Variants in SLC5A9 observed in about 807,000 individuals in gnomAD.
SLC5A9 encodes sodium/glucose cotransporter 4.
Under a neutral mutation model 70.9 loss-of-function variants are expected in SLC5A9, and 59 were observed. The observed-to-expected ratio is 0.83, with a 90% CI of 0.68 to 1.03. The LOEUF (loss-of-function observed/expected upper bound fraction) is 1.03, where lower values mean the gene tolerates loss of function less well. Ranked by LOEUF, SLC5A9 falls within the 50% of genes least tolerant of loss-of-function variation. The pLI, the probability that SLC5A9 is intolerant of heterozygous loss-of-function variation, is 0.00. For missense variants in SLC5A9, 832 were observed against 881.1 expected (o/e 0.94, Z 0.71); for synonymous variants, 340 against 346.5 (o/e 0.98, Z 0.21).
intron 13 of SLC5A9, among the ~76,000 whole-genome samples, chr1:48,243,453 T>G (rs971864246): frequency 3.3e-5 from 5 of 152,204 alleles, no homozygotes; most frequent in African/African-American, 1.2e-4. Context: ...TATCTAAAGT[T>G]GAAAATTATT....
chr1:48,247,240 C>G (rs537594891), intron 13 of SLC5A9, 95 bp from the exon 14 acceptor site: 1 of 1,153,262 alleles, frequency 8.7e-7, no homozygotes, highest in Non-Finnish European at 1.3e-6. Flanking sequence ...CTCACCATCT[C>G]TCTCCCTCCC....
intron 13 of SLC5A9, 30 bp downstream of exon 13, chr1:48,242,646 T>G: frequency 6.3e-7 from 1 of 1,581,486 alleles, no homozygotes; most frequent in Non-Finnish European, 8.6e-7. Flanking sequence ...GGGATACTCA[T>G]CACAGAGGAA....
chr1:48,227,208 G>C (rs945611793), intron 2 of SLC5A9, among the ~76,000 whole-genome samples: 21 of 150,180 alleles, frequency 1.4e-4, no homozygotes, highest in Admixed American at 3.3e-4. Flanking sequence ...GTGTGTGAGT[G>C]CATGTGTGTG....
chr1:48,224,458 C>A (rs562582352), intron 1 of SLC5A9, among the ~76,000 whole-genome samples: 4 of 152,326 alleles, frequency 2.6e-5, no homozygotes, highest in East Asian at 3.9e-4. Context: ...CAATCAATGG[C>A]TTCACACACG....
chr1:48,231,774 G>A (rs1224542947), intron 6 of SLC5A9, 149 bp downstream of exon 6: 12 of 1,506,038 alleles, frequency 8.0e-6, no homozygotes, highest in Middle Eastern at 3.5e-4. Flanking sequence ...CCAAAGAGCA[G>A]GGTTCTCGCT....
intron 12 of SLC5A9, chr1:48,241,978 C>A: frequency 2.2e-6 from 1 of 456,406 alleles, no homozygotes; most frequent in Middle Eastern, 3.2e-4. Context: ...TTTACAACAT[C>A]CTCCAGGCTG....
intron 9 of SLC5A9, among the ~76,000 whole-genome samples, chr1:48,234,299 AAGGAAG>A (rs542148253): frequency 4.7e-4 from 72 of 152,292 alleles, no homozygotes; most frequent in African/African-American, 1.6e-3. Flanking sequence ...AGCCAGGAGG[AAGGAAG>A]ACAACCTTCC....
intron 12 of SLC5A9, 85 bp from the exon 13 acceptor site, chr1:48,242,372 A>C: frequency 6.8e-7 from 1 of 1,471,442 alleles, no homozygotes; most frequent in Non-Finnish European, 9.1e-7. Context: ...TTTTGCTCAG[A>C]TGGCCTTCCA....
chr1:48,224,737 C>A lies in SLC5A9; in HGVS notation c.176C>A (p.Ala59Glu), dbSNP rs1569805632. The change falls in exon 2 of 14, where the codon GCA becomes GAA. Residue 59 changes from alanine to glutamate, a missense_variant. Transcript: ENST00000438567. ...TTTCCTTTCCAGTCGTCCATCCGTG[C>A]AAGTCGAGGGACCATTGGCGGCTAT... The part of the protein sequence containing the change: ...IAVGIWSSIR[A>E]SRGTIGGYFL... 6.2e-7 allele frequency: 1 copy of A among 1,614,112 alleles called. No individual in the cohort carries two copies. The highest frequency in any genetic ancestry group is 1.1e-5 in the South Asian group (1 of 91,078).
At chr1:48,242,185 A>C (rs1644398508) in intron 12 of SLC5A9, 2 of 500,870 alleles carry the variant, frequency 4.0e-6, no homozygotes, top group Non-Finnish European at 7.4e-6. Context: ...AGTCTGTAAA[A>C]TCCATGAGGA....
At chr1:48,225,050 T>C (rs1644125307) in intron 2 of SLC5A9, among the ~76,000 whole-genome samples, 1 of 150,924 alleles carries the variant, frequency 6.6e-6, no homozygotes, top group South Asian at 2.1e-4. Context: ...TGACTTGCAG[T>C]GATGAATCTG....
chr1:48,235,554 A>T (rs1398444626), intron 9 of SLC5A9, among the ~76,000 whole-genome samples, 175 bp from the exon 10 acceptor site: 1 of 152,118 alleles, frequency 6.6e-6, no homozygotes, highest in African/African-American at 2.4e-5. Flanking sequence ...CCCAGCCTCT[A>T]GTTCTGTGGT....
rs766150882 is a variant in SLC5A9, at chr1:48,224,710, T to G, written c.163-14T>G. The G allele has an allele frequency of 6.2e-7, 1 of 1,613,852 alleles. No homozygotes were observed. Among genetic ancestry groups the G allele is most frequent in the Non-Finnish European group, 8.5e-7 (1 of 1,179,766 alleles). On this transcript the variant is annotated splice_polypyrimidine_tract_variant and intron_variant, in intron 1 of 13. Transcript: ENST00000438567. ...AGTCTTGAGAAATCCTCATCTCATC[T>G]ATTTCCTTTCCAGTCGTCCATCCGT... is the stretch of plus-strand genomic sequence containing the variant.
Position 48,239,450 on chromosome 1 carries a change from C to A in SLC5A9, c.1590C>A (p.Tyr530Ter). Residue 530 changes from tyrosine (Y) to a stop codon, truncating the protein, a stop_gained, in exon 12 of 14, where the codon TAC becomes TAA. Transcript: ENST00000438567. LOFTEE classifies it high-confidence loss of function. The surrounding 1 kb of genome is among the most constrained non-coding windows in gnomAD (Gnocchi z 4.2). The part of the protein sequence containing the change: ...RRPAVLKDFH[Y>*]LYFAILLCGL... Reference sequence around the variant, plus strand: ...CAGCAGTGCTGAAGGACTTCCACTACCTGTACTTTGCAATCCTCCTCTGCG... The same window carrying A: ...CAGCAGTGCTGAAGGACTTCCACTAACTGTACTTTGCAATCCTCCTCTGCG... 6.2e-7 allele frequency: 1 copy of A among 1,614,202 alleles called. No homozygotes were observed. The highest frequency in any genetic ancestry group is 8.5e-7 in the Non-Finnish European group (1 of 1,180,042).
In SLC5A9 at chr1:48,242,561, C is replaced by T. The variant is rs778297474; in HGVS notation, c.1782C>T (p.Cys594=). The change falls in exon 13 of 14, where the codon TGC becomes TGT. Residue 594 remains cysteine, a synonymous_variant. Coordinates refer to ENST00000438567, the MANE Select transcript of SLC5A9 (RefSeq NM_001011547.3). ...TATCCGAGAGGCCAGCCGGGGAGTG[C>T]CCTGCAGGAGGTGGAGCGGCAGAGA... is the stretch of plus-strand genomic sequence containing the variant. ...PEISERPAGE[C]PAGGGAAENS... The T allele has an allele frequency of 3.7e-6, 6 of 1,613,358 alleles. No homozygotes were observed. Among genetic ancestry groups the T allele is most frequent in the Non-Finnish European group, 4.2e-6 (5 of 1,179,640 alleles).
At position 48,247,615 on chromosome 1, in the gene SLC5A9, C is replaced by A. The variant is rs1355213492; in HGVS notation, c.*72C>A. On this transcript the variant is annotated 3_prime_UTR_variant, in exon 14 of 14. Coordinates refer to ENST00000438567, the MANE Select transcript of SLC5A9 (RefSeq NM_001011547.3). ...CCTGTCAGCCACAGAAACAGGCTCT[C>A]CTCTTACTTTGCTGTCTAAACTGGA... The A allele has an allele frequency of 2.7e-6, 4 of 1,472,914 alleles. No individual in the cohort carries two copies. The African/African-American group carries it at 5.5e-5, about 20-fold the overall frequency. The allele number at this position is 1,472,914 out of a possible 1,614,324, so 91.2% of individuals were successfully genotyped here.
At position 48,242,604 on chromosome 1, in the gene SLC5A9, G is replaced by C. The variant is rs375773416; in HGVS notation, c.1825G>C (p.Glu609Gln). ...GGCAGAGAACTCGAGCCTGGGCCAG[G>C]AGCAGCCTGAAGGTAGGCTGCGGCA... ...GAAENSSLGQ[E>Q]QPEAPSRSWG... is the part of the protein sequence containing the mutation. Residue 609 changes from glutamate to glutamine, a missense_variant, in exon 13 of 14, where the codon GAG becomes CAG. By Grantham distance (29) the Glu-to-Gln change is conservative. Transcript: ENST00000438567. The C allele has an allele frequency of 4.3e-6, 7 of 1,610,930 alleles. No homozygotes were observed. In the African/African-American group the frequency reaches 5.3e-5, roughly 12 times the overall value.
chr1:48,232,902 G>A (rs1335148773), intron 8 of SLC5A9, among the ~76,000 whole-genome samples: 1 of 138,506 alleles, frequency 7.2e-6, no homozygotes, highest in African/African-American at 2.6e-5. Flanking sequence ...AGGAAGGAAG[G>A]AAGGAGAAGA....
rs767249431 is a variant in SLC5A9, at chr1:48,222,877, C to G, written c.141C>G (p.Phe47Leu). Residue 47 changes from phenylalanine (F) to leucine (L), a missense_variant, in exon 1 of 14, where the codon TTC becomes TTG. Phe to Leu is a conservative substitution (Grantham distance 22, BLOSUM62 0). Coordinates refer to ENST00000438567, the MANE Select transcript of SLC5A9 (RefSeq NM_001011547.3). ...DISVVVIYFVFVIAVGIWSSI... is the reference protein window; with the variant it reads ...DISVVVIYFVLVIAVGIWSSI... Reference sequence around the variant, plus strand: ...GCGTGGTGGTCATCTACTTTGTCTTCGTCATTGCTGTGGGGATCTGGGTAA... The same window carrying G: ...GCGTGGTGGTCATCTACTTTGTCTTGGTCATTGCTGTGGGGATCTGGGTAA... 1 of 1,614,014 alleles carries G rather than the reference C, an allele frequency of 6.2e-7. No individual in the cohort carries two copies. The highest frequency in any genetic ancestry group is 8.5e-7 in the Non-Finnish European group (1 of 1,179,990).
Sources: allele counts gnomAD v4.1 joint callset (sites outside exome capture counted in the v4.1 genomes callset), GRCh38; gene constraint gnomAD v4.1.1; non-coding constraint Gnocchi (gnomAD v3.1); transcripts MANE v1.5; gene names NCBI Gene and HGNC (gene_info 2026-07-23, HGNC 2026-07-21).